SLC28A1: variants seen among roughly 807,000 people sequenced by gnomAD.
The protein encoded by SLC28A1 is sodium/nucleoside cotransporter 1.
Under a neutral mutation model 74.8 loss-of-function variants are expected in SLC28A1, and 64 were observed. The observed-to-expected ratio is 0.86, with a 90% CI of 0.70 to 1.05. The LOEUF is 1.05. Among genes scored for constraint, SLC28A1 ranks in the 50% least tolerant of loss-of-function variants. The probability of loss-of-function intolerance (pLI) is 0.00; values close to 1 mark genes in which losing one functional copy is unlikely to be tolerated. For missense variants in SLC28A1, 828 were observed against 822.8 expected, an observed-to-expected ratio of 1.01 and a Z score of -0.08; for synonymous variants, 359 against 335.0, an observed-to-expected ratio of 1.07 and a Z score of -0.78.
At chr15:84,970,129 A>T in the SLC28A1 span, among the ~76,000 whole-genome samples, 2 of 152,216 alleles carry the variant, frequency 1.3e-5, no homozygotes. Context: ...AGTTCTTTCC[A>T]TCTTTCCATT....
intron 10 of SLC28A1, 141 bp downstream of exon 10, chr15:84,918,745 C>A: frequency 1.3e-6 from 1 of 744,994 alleles, no homozygotes. Context: ...CCAGAGTCCC[C>A]TGTTCCCAGT....
intron 10 of SLC28A1, among the ~76,000 whole-genome samples, chr15:84,920,490 G>T (rs1969683178): frequency 6.6e-6 from 1 of 151,572 alleles, no homozygotes; most frequent in Non-Finnish European, 1.5e-5. Context: ...GGAAGGGGAA[G>T]GGCTTTCTAA....
chr15:84,924,897 A>ATTTTTT (rs756910084), intron 12 of SLC28A1, among the ~76,000 whole-genome samples: 12 of 139,846 alleles, frequency 8.6e-5, no homozygotes, highest in African/African-American at 1.3e-4. Flanking sequence ...TTTTTTATTA[A>ATTTTTT]TTTTTTTTGT....
chr15:84,951,109 T>C, the SLC28A1 span, among the ~76,000 whole-genome samples: 1 of 152,096 alleles, frequency 6.6e-6, no homozygotes, highest in African/African-American at 2.4e-5. Context: ...GTGAGCAAGC[T>C]TGGACCATGA....
At chr15:84,919,456 G>A (rs1291510830) in intron 10 of SLC28A1, among the ~76,000 whole-genome samples, 1 of 152,180 alleles carries the variant, frequency 6.6e-6, no homozygotes, top group East Asian at 1.9e-4. Context: ...AATTTATAAA[G>A]AAAAGAGATT....
the SLC28A1 span, among the ~76,000 whole-genome samples, chr15:84,965,542 C>G: frequency 0.078 from 11,835 of 152,172 alleles, 554 homozygotes; most frequent in Middle Eastern, 0.11. Flanking sequence ...AGAATAAAAT[C>G]AACATGTCCT....
chr15:84,932,589 G>A (rs905248024), intron 12 of SLC28A1, among the ~76,000 whole-genome samples: 7 of 152,222 alleles, frequency 4.6e-5, no homozygotes, highest in Non-Finnish European at 7.3e-5. Flanking sequence ...TTCAAAGAGA[G>A]AGCCTAGAGA....
At chr15:84,920,906 T>C in intron 10 of SLC28A1, 83 bp from the exon 11 acceptor site, 1 of 1,063,576 alleles carries the variant, frequency 9.4e-7, no homozygotes, top group Admixed American at 1.7e-5. Flanking sequence ...GGGAGGAAAC[T>C]GTGTAAGGTC....
intron 2 of SLC28A1, 106 bp from the exon 3 acceptor site, chr15:84,887,639 G>T (rs1964744917): frequency 1.9e-6 from 3 of 1,550,450 alleles, no homozygotes; most frequent in Non-Finnish European, 1.7e-6. Context: ...GGCTGTGCCA[G>T]GCATCTGCTC....
intron 12 of SLC28A1, among the ~76,000 whole-genome samples, chr15:84,931,516 G>A (rs1272379952): frequency 1.3e-5 from 2 of 151,062 alleles, no homozygotes; most frequent in Non-Finnish European, 3.0e-5. Context: ...GCTGGGCGTG[G>A]TGGTGGGCGC....
At chr15:84,895,185 C>T (rs1368680950) in intron 6 of SLC28A1, 62 bp downstream of exon 6, 14 of 1,600,552 alleles carry the variant, frequency 8.7e-6, no homozygotes, top group Non-Finnish European at 1.2e-5. Flanking sequence ...GGGGTTGGCT[C>T]CAGGGTTATG....
rs776824932 is a variant in SLC28A1 at position 84,945,223 on chromosome 15, T to G, written c.*23T>G. 10 of 1,610,582 alleles carry G rather than the reference T, an allele frequency of 6.2e-6. No individual in the cohort carries two copies. The highest frequency in any genetic ancestry group is 8.5e-6 in the Non-Finnish European group (10 of 1,176,930). ...TGAGGACAGAACATGCTTGTGCTTC[T>G]GCGCTTCTGAGGGCTGTTCTCCCCC... On this transcript the variant is annotated 3_prime_UTR_variant, in exon 19 of 19. Transcript: ENST00000394573.
intron 12 of SLC28A1, among the ~76,000 whole-genome samples, chr15:84,925,289 C>T (rs1225711865): frequency 1.3e-5 from 2 of 151,934 alleles, no homozygotes; most frequent in Admixed American, 6.6e-5. Flanking sequence ...TTGTCAGCAT[C>T]ACCTGCGAAC....
chr15:84,946,112 A>ATTTTTTTTTTTTT (rs1165709632), downstream of SLC28A1, among the ~76,000 whole-genome samples: 21 of 13,476 alleles, frequency 1.6e-3, 4 homozygotes, highest in African/African-American at 1.6e-3. Context: ...ATATATATAT[A>ATTTTTTTTTTTTT]TTTTTTTTTT....
At chr15:84,925,928 A>G (rs748345945) in intron 12 of SLC28A1, among the ~76,000 whole-genome samples, 12 of 151,892 alleles carry the variant, frequency 7.9e-5, no homozygotes, top group Non-Finnish European at 1.8e-4. Flanking sequence ...CGTGCCCCCA[A>G]ATGGCAAGTG....
intron 12 of SLC28A1, among the ~76,000 whole-genome samples, chr15:84,927,268 G>T (rs1038337166): frequency 6.6e-6 from 1 of 152,156 alleles, no homozygotes; most frequent in East Asian, 1.9e-4. Context: ...GCTCACAAAA[G>T]GGAGATTAAC....
chr15:84,887,723 C>T (rs8187736), intron 2 of SLC28A1, 22 bp from the exon 3 acceptor site: 64,756 of 1,604,026 alleles, frequency 0.04, 1,531 homozygotes, highest in Non-Finnish European at 0.048. Flanking sequence ...CAGCGTTGGG[C>T]GCTCCCTGAT....
At position 84,904,095 on chromosome 15, in the gene SLC28A1, AG is replaced by A; in HGVS notation, c.464del. 1 of 1,614,152 alleles carries A rather than the reference AG, an allele frequency of 6.2e-7. No homozygotes were observed. The highest frequency in any genetic ancestry group is 1.6e-4 in the Middle Eastern group (1 of 6,062). On this transcript the variant is annotated splice_acceptor_variant, in intron 6 of 18. Coordinates refer to ENST00000394573, the MANE Select transcript of SLC28A1 (RefSeq NM_004213.5). LOFTEE classifies it high-confidence loss of function. ...TAATGGCTTTCTGTCTCTTGCCTGC[AG>A]GGGTCTAGCTCTTGCTGCTTTCCTG...
chr15:84,933,847 C>G (rs1024057191), intron 13 of SLC28A1, among the ~76,000 whole-genome samples: 1 of 152,182 alleles, frequency 6.6e-6, no homozygotes, highest in Non-Finnish European at 1.5e-5. Context: ...TAAAGGCTCA[C>G]GCCTGTAATT....
Sources: allele counts gnomAD v4.1 joint callset (sites outside exome capture counted in the v4.1 genomes callset), GRCh38; gene constraint gnomAD v4.1.1; transcripts MANE v1.5; gene names NCBI Gene and HGNC (gene_info 2026-07-23, HGNC 2026-07-21).